TTC21A: variants seen among roughly 807,000 people sequenced by gnomAD.
TTC21A encodes the protein tetratricopeptide repeat protein 21A.
A neutral mutation model predicts 156.4 loss-of-function variants in TTC21A; 128 were observed. That is an observed-to-expected ratio of 0.82 (90% confidence interval 0.71 to 0.95). The LOEUF (loss-of-function observed/expected upper bound fraction) is 0.95. TTC21A is among the 40% of genes least tolerant of loss of function. TTC21A has a pLI of 0.00. For missense variants in TTC21A, 1,435 were observed against 1,602.3 expected, an observed-to-expected ratio of 0.90 and a Z score of 1.78; for synonymous variants, 587 against 617.1, an observed-to-expected ratio of 0.95 and a Z score of 0.72.
At chr3:39,120,162 C>T (rs1175647456) in intron 8 of TTC21A, 142 bp downstream of exon 8, 1 of 613,294 alleles carries the variant, frequency 1.6e-6, no homozygotes, top group East Asian at 2.9e-5. Flanking sequence ...TGGCTCATAT[C>T]CTGCTGTGCC....
chr3:39,107,704 G>C lies in TTC21A; in HGVS notation c.-134G>C. 1 of 1,379,914 alleles carries C rather than the reference G, an allele frequency of 7.2e-7. No individual in the cohort carries two copies. Among genetic ancestry groups the C allele is most frequent in the Non-Finnish European group, 1.0e-6 (1 of 986,418 alleles). The allele number at this position is 1,379,914 out of a possible 1,614,324, so 85.5% of individuals were successfully genotyped here. On this transcript the variant is annotated 5_prime_UTR_variant, in exon 1 of 29. Coordinates refer to ENST00000683103, the MANE Select transcript of TTC21A (RefSeq NM_001366900.1). ...CAGACACTGGACGCTCCTAGCAACCGGCTAGCAGCTCGGTTTCCAAGGACT... is the reference window on the plus strand; with the variant it reads ...CAGACACTGGACGCTCCTAGCAACCCGCTAGCAGCTCGGTTTCCAAGGACT...
In TTC21A at chr3:39,138,312, G is replaced by A. The variant is rs1015581060; in HGVS notation, c.3721G>A (p.Glu1241Lys). ...GTACATGGGCTTCATCATGGAGAAG[G>A]AGCAGTCCTACAAGGATGCAGTCAC... ...YEYMGFIMEKEQSYKDAVTNY... is the reference protein window; with the variant it reads ...YEYMGFIMEKKQSYKDAVTNY... Residue 1241 changes from glutamate (E) to lysine (K), a missense_variant, in exon 27 of 29, where the codon GAG becomes AAG. Glu to Lys is a moderately conservative substitution (Grantham distance 56). Coordinates refer to ENST00000683103, the MANE Select transcript of TTC21A (RefSeq NM_001366900.1). The A allele has an allele frequency of 3.1e-6, 5 of 1,614,060 alleles. No individual in the cohort carries two copies. Among genetic ancestry groups the A allele is most frequent in the Non-Finnish European group, 3.4e-6 (4 of 1,180,032 alleles).
At chr3:39,117,576 T>C (rs1559678746) in intron 6 of TTC21A, among the ~76,000 whole-genome samples, 1 of 152,228 alleles carries the variant, frequency 6.6e-6, no homozygotes, top group African/African-American at 2.4e-5. Flanking sequence ...AGTTGGGTTA[T>C]GAATAAGTTT....
intron 6 of TTC21A, among the ~76,000 whole-genome samples, chr3:39,117,591 G>A (rs771931278): frequency 1.3e-5 from 2 of 152,158 alleles, no homozygotes; most frequent in Non-Finnish European, 2.9e-5. Flanking sequence ...AAGTTTCTGT[G>A]GCAAAGATAC....
intron 7 of TTC21A, 191 bp downstream of exon 7, chr3:39,118,344 G>A (rs929730454): frequency 1.8e-5 from 11 of 614,308 alleles, no homozygotes; most frequent in Admixed American, 5.5e-5. Context: ...TGTAGCTTGG[G>A]AGTCAGGCAG....
At position 39,137,673 on chromosome 3, in the gene TTC21A, C is replaced by T; in HGVS notation, c.3638C>T (p.Ala1213Val). Residue 1213 changes from alanine to valine, a missense_variant, in exon 26 of 29, where the codon GCC becomes GTC. Coordinates refer to ENST00000683103, the MANE Select transcript of TTC21A (RefSeq NM_001366900.1). ...TGCCAGGGCAGCAAGTTCGACCTCG[C>T]CTTAGAACTGCTGCGGCGCTGTGTG... is the stretch of plus-strand genomic sequence containing the variant. ...IYCQGSKFDL[A>V]LELLRRCVQY... The T allele has an allele frequency of 1.2e-6, 2 of 1,613,904 alleles. No individual in the cohort carries two copies. The highest frequency in any genetic ancestry group is 2.2e-5 in the South Asian group (2 of 91,052).
chr3:39,133,272 C>T, intron 20 of TTC21A, 32 bp downstream of exon 20: 1 of 1,602,344 alleles, frequency 6.2e-7, no homozygotes. Context: ...AGGCTGCTTT[C>T]TCCCTCAGGG....
chr3:39,115,554 T>G (rs961662078), intron 6 of TTC21A, among the ~76,000 whole-genome samples: 1 of 151,944 alleles, frequency 6.6e-6, no homozygotes, highest in Non-Finnish European at 1.5e-5. Context: ...AAGTCCCAGC[T>G]ACTAGGGAGG....
At chr3:39,120,896 A>G in intron 8 of TTC21A, 101 bp from the exon 9 acceptor site, 1 of 1,093,738 alleles carries the variant, frequency 9.1e-7, no homozygotes, top group Non-Finnish European at 1.3e-6. Flanking sequence ...TCCTGGGCCT[A>G]CCAGCCCTGC....
In TTC21A at chr3:39,134,095, C is replaced by T. The variant is rs995138726; in HGVS notation, c.2752-123C>T. 24 of 718,444 alleles carry T rather than the reference C, an allele frequency of 3.3e-5. No individual in the cohort carries two copies. The highest frequency in any genetic ancestry group is 1.9e-4 in the African/African-American group (11 of 57,308). The allele number at this position is 718,444 out of a possible 1,614,324, so 44.5% of individuals were successfully genotyped here. A position where few individuals can be genotyped will look rare whatever the true frequency, so the allele number is the denominator to read the frequency against. On this transcript the variant is annotated intron_variant, in intron 20 of 28. Transcript: ENST00000683103. The surrounding 1 kb of genome is among the most constrained non-coding windows in gnomAD (Gnocchi z 4.6). ...GGCCAGGACGTTCACGTGGGGAATT[C>T]GAGACATATTTTGAAGGCAGAGCTG...
intron 5 of TTC21A, among the ~76,000 whole-genome samples, chr3:39,113,868 T>G (rs983548046): frequency 6.6e-5 from 10 of 152,386 alleles, no homozygotes; most frequent in African/African-American, 2.4e-4. Context: ...AACACATTTA[T>G]GCGTAAGTCT....
intron 6 of TTC21A, among the ~76,000 whole-genome samples, chr3:39,115,043 C>A (rs1028933701): frequency 1.3e-5 from 2 of 152,134 alleles, no homozygotes; most frequent in African/African-American, 4.8e-5. Context: ...GCAAGAGTTA[C>A]AGGGTAGAAA....
intron 3 of TTC21A, chr3:39,110,449 A>G: frequency 1.9e-6 from 1 of 517,768 alleles, no homozygotes; most frequent in Non-Finnish European, 3.5e-6. Flanking sequence ...AACCAAGCCA[A>G]TATATATAAT....
At chr3:39,118,885 G>A (rs980643881) in intron 7 of TTC21A, 1 of 152,330 alleles carries the variant, frequency 6.6e-6, no homozygotes, top group African/African-American at 2.4e-5. Context: ...GAAGCTTCTG[G>A]TTTCTTCTGC....
rs368418510 is a variant in TTC21A, at chr3:39,133,049, G to C, written c.2563-3G>C. ...CTGATCCTGGCTTGATTGGTTTCTC[G>C]AGGCCTTGGACCTCCAGTCTCGGAT... On this transcript the variant is annotated splice_region_variant and splice_polypyrimidine_tract_variant and intron_variant, in intron 19 of 28. Coordinates refer to ENST00000683103, the MANE Select transcript of TTC21A (RefSeq NM_001366900.1). 15 of 1,613,804 alleles carry C rather than the reference G, an allele frequency of 9.3e-6. No homozygotes were observed. The highest frequency in any genetic ancestry group is 1.3e-5 in the African/African-American group (1 of 74,872).
At chr3:39,129,920 C>T (rs1327281790) in intron 15 of TTC21A, among the ~76,000 whole-genome samples, 159 bp from the exon 16 acceptor site, 1 of 152,202 alleles carries the variant, frequency 6.6e-6, no homozygotes, top group Admixed American at 6.5e-5. Flanking sequence ...ACTCAGGTAG[C>T]TAGCACAGTG....
chr3:39,117,363 A>G (rs983948310), intron 6 of TTC21A, among the ~76,000 whole-genome samples: 6 of 152,268 alleles, frequency 3.9e-5, no homozygotes, highest in Non-Finnish European at 5.9e-5. Flanking sequence ...TTAAGCAGAA[A>G]GTCATTCCCT....
chr3:39,107,779 G>A lies in TTC21A; in HGVS notation c.-59G>A. ...GATAGAGTGCCCACGACCCTGCCTC[G>A]GGAATCCCGCTCTGCACCGCCCCAC... On this transcript the variant is annotated 5_prime_UTR_variant, in exon 1 of 29. Coordinates refer to ENST00000683103, the MANE Select transcript of TTC21A (RefSeq NM_001366900.1). The A allele has an allele frequency of 1.2e-6, 2 of 1,610,044 alleles. No homozygotes were observed. Among genetic ancestry groups the A allele is most frequent in the South Asian group, 1.1e-5 (1 of 91,054 alleles).
Position 39,137,324 on chromosome 3 carries a change from C to G in TTC21A, c.3387C>G (p.Ala1129=). The part of the protein sequence containing the change: ...LRLLQGLCRL[A]TREKANMEAA... ...TGCTGCAGGGCCTCTGCCGGCTGGC[C>G]ACCAGGGAGAAGGCTAACATGGAGG... The change falls in exon 25 of 29, where the codon GCC becomes GCG. Residue 1129 remains alanine, a synonymous_variant. Transcript: ENST00000683103. 1 of 1,614,026 alleles carries G rather than the reference C, an allele frequency of 6.2e-7. No homozygotes were observed. Among genetic ancestry groups the G allele is most frequent in the African/African-American group, 1.3e-5 (1 of 75,060 alleles).
Sources: allele counts gnomAD v4.1 joint callset (sites outside exome capture counted in the v4.1 genomes callset), GRCh38; gene constraint gnomAD v4.1.1; non-coding constraint Gnocchi (gnomAD v3.1); transcripts MANE v1.5; gene names NCBI Gene and HGNC (gene_info 2026-07-23, HGNC 2026-07-21).